The following CYB5R4 variants were observed in gnomAD, a reference collection of about 807,000 sequenced individuals.
The protein encoded by CYB5R4 is N-terminal cytochrome b5 and cytochrome b5 oxidoreductase domain-containing protein.
A neutral mutation model predicts 70.2 loss-of-function variants in CYB5R4; 55 were observed. The observed-to-expected ratio is 0.78, with a 90% CI of 0.63 to 0.98. The LOEUF is 0.98. CYB5R4 is among the 50% of genes least tolerant of loss of function. The pLI is 0.00. For missense variants in CYB5R4, 562 were observed against 612.6 expected (o/e 0.92, Z 0.87); for synonymous variants, 197 against 199.5 (o/e 0.99, Z 0.11).
chr6:83,947,923 G>C (rs1442407440), intron 14 of CYB5R4, among the ~76,000 whole-genome samples: 1 of 152,178 alleles, frequency 6.6e-6, no homozygotes, highest in Non-Finnish European at 1.5e-5. Flanking sequence ...CTGTTGGCAG[G>C]AGTGCAAATT....
At chr6:83,879,146 C>T (rs574587058) in intron 2 of CYB5R4, among the ~76,000 whole-genome samples, 1 of 151,488 alleles carries the variant, frequency 6.6e-6, no homozygotes, top group Non-Finnish European at 1.5e-5. Flanking sequence ...TGTACTTCCC[C>T]AAGGGCAGAT....
intron 10 of CYB5R4, among the ~76,000 whole-genome samples, chr6:83,932,575 T>A (rs1320591764): frequency 6.6e-6 from 1 of 152,204 alleles, no homozygotes; most frequent in Non-Finnish European, 1.5e-5. Flanking sequence ...CCCACGTGAC[T>A]GTCTCCAGCC....
chr6:83,934,876 G>A lies in CYB5R4; in HGVS notation c.955+141G>A, dbSNP rs192778380. On this transcript the variant is annotated intron_variant, in intron 11 of 15. Coordinates refer to ENST00000369681, the MANE Select transcript of CYB5R4 (RefSeq NM_016230.4). The stretch of plus-strand genomic sequence containing the variant: ...TAGATTTAGTGATAGTCAGAATGTA[G>A]GTTTGTGACTGCAACGTGTCCTACA... 7.7e-5 allele frequency: 55 copies of A among 711,018 alleles called. No homozygotes were observed. In the African/African-American group the frequency reaches 8.8e-4, roughly 11 times the overall value. The allele number at this position is 711,018 out of a possible 1,614,324, so 44.0% of individuals were successfully genotyped here.
intron 3 of CYB5R4, among the ~76,000 whole-genome samples, chr6:83,902,111 G>A (rs1169515865): frequency 6.6e-6 from 1 of 152,054 alleles, no homozygotes; most frequent in South Asian, 2.1e-4. Context: ...ATGTCATGAA[G>A]TGTTTTTCCA....
chr6:83,946,267 A>G (rs560500895), intron 14 of CYB5R4, among the ~76,000 whole-genome samples: 221 of 152,366 alleles, frequency 1.5e-3, no homozygotes, highest in African/African-American at 4.6e-3. Flanking sequence ...GGCTGATTCA[A>G]CATACACAAA....
chr6:83,920,609 A>C (rs1177356483), intron 7 of CYB5R4, among the ~76,000 whole-genome samples: 1 of 152,010 alleles, frequency 6.6e-6, no homozygotes, highest in African/African-American at 2.4e-5. Flanking sequence ...ATCTAAAAAT[A>C]TGTTAGTGAA....
At position 83,873,774 on chromosome 6, in the gene CYB5R4, C is replaced by T. The variant is rs375095117; in HGVS notation, c.229+9446C>T. On this transcript the variant is annotated intron_variant, in intron 2 of 15. Transcript: ENST00000369681. Reference sequence around the variant, plus strand: ...GCTCTCATAGAATTGACAATCTGCTCGGGGAACAGAAAGTGTTAATCCAGT... The same window carrying T: ...GCTCTCATAGAATTGACAATCTGCTTGGGGAACAGAAAGTGTTAATCCAGT... Among the ~76,000 whole-genome samples the T allele has an allele frequency of 1.5e-4, 23 of 152,022 alleles. No homozygotes were observed. In the East Asian group the frequency reaches 1.7e-3, roughly 12 times the overall value.
Position 83,859,725 on chromosome 6 carries a change from G to T in CYB5R4, c.-58G>T, listed in dbSNP as rs1051911133. The T allele has an allele frequency of 1.1e-5, 17 of 1,582,222 alleles. 1 individual carries two copies. In the African/African-American group the frequency reaches 2.3e-4, roughly 21 times the overall value. ...CTGCCCGGCCACAGAGCCGGAGCTG[G>T]AGGTGCTGTCCCGTCTGGCGGCGAT... On this transcript the variant is annotated 5_prime_UTR_variant, in exon 1 of 16. Transcript: ENST00000369681.
intron 2 of CYB5R4, among the ~76,000 whole-genome samples, chr6:83,870,875 A>G (rs2099457483): frequency 6.6e-6 from 1 of 152,042 alleles, no homozygotes; most frequent in South Asian, 2.1e-4. Flanking sequence ...GAGGTCAAAG[A>G]AGGCAGTGTT....
chr6:83,910,771 G>A (rs1246572016), intron 4 of CYB5R4, among the ~76,000 whole-genome samples: 1 of 152,184 alleles, frequency 6.6e-6, no homozygotes, highest in African/African-American at 2.4e-5. Flanking sequence ...AATGACAAGT[G>A]AAGCCAACTT....
chr6:83,913,706 G>A (rs1451995931), intron 4 of CYB5R4, among the ~76,000 whole-genome samples: 1 of 152,066 alleles, frequency 6.6e-6, no homozygotes, highest in African/African-American at 2.4e-5. Flanking sequence ...CTTAAGAAAT[G>A]ATGTCTTTCC....
intron 1 of CYB5R4, among the ~76,000 whole-genome samples, chr6:83,862,704 G>A (rs2099456157): frequency 6.6e-6 from 1 of 152,228 alleles, no homozygotes; most frequent in African/African-American, 2.4e-5. Context: ...AGGAGCCACT[G>A]AAGGAGGGAG....
At chr6:83,937,426 G>C (rs2099469090) in intron 12 of CYB5R4, among the ~76,000 whole-genome samples, 1 of 152,130 alleles carries the variant, frequency 6.6e-6, no homozygotes, top group Non-Finnish European at 1.5e-5. Flanking sequence ...ACAAGACTTT[G>C]AGTTTAAGAG....
chr6:83,873,765 C>T (rs2099458033), intron 2 of CYB5R4, among the ~76,000 whole-genome samples: 1 of 152,122 alleles, frequency 6.6e-6, no homozygotes, highest in Admixed American at 6.5e-5. Flanking sequence ...ATAGAATTGA[C>T]AATCTGCTCG....
intron 14 of CYB5R4, among the ~76,000 whole-genome samples, chr6:83,945,355 T>C (rs1588585140): frequency 6.6e-6 from 1 of 152,038 alleles, no homozygotes; most frequent in Non-Finnish European, 1.5e-5. Context: ...CAGAAATAAA[T>C]AAGTTCTTTG....
intron 10 of CYB5R4, among the ~76,000 whole-genome samples, chr6:83,928,488 C>T (rs2099467664): frequency 6.6e-6 from 1 of 151,954 alleles, no homozygotes; most frequent in Non-Finnish European, 1.5e-5. Context: ...AAAGTGAGGT[C>T]CATGGCTTTC....
chr6:83,864,457 A>G, intron 2 of CYB5R4, 129 bp downstream of exon 2: 1 of 711,404 alleles, frequency 1.4e-6, no homozygotes, highest in East Asian at 3.0e-5. Flanking sequence ...GTGCTTGACA[A>G]TAACTTATAT....
chr6:83,884,981 T>C (rs1286976543), intron 2 of CYB5R4, among the ~76,000 whole-genome samples: 1 of 152,190 alleles, frequency 6.6e-6, no homozygotes, highest in Non-Finnish European at 1.5e-5. Context: ...TTTTTGGTCT[T>C]AAAATATCTT....
chr6:83,904,967 A>G (rs890520106), intron 3 of CYB5R4, among the ~76,000 whole-genome samples: 2 of 149,460 alleles, frequency 1.3e-5, no homozygotes, highest in African/African-American at 2.5e-5. Context: ...TTGCTTTTTC[A>G]TGTTTCCTGT....
Sources: gnomAD v4.1 joint callset for allele counts (sites outside exome capture counted in the v4.1 genomes callset) on GRCh38, gnomAD v4.1.1 for gene constraint, MANE v1.5 for transcripts, NCBI Gene and HGNC (gene_info 2026-07-23, HGNC 2026-07-21) for gene names.